Variants in CDH9 observed in about 807,000 individuals in gnomAD.
The protein encoded by CDH9 is cadherin 9.
In CDH9, 28 loss-of-function variants were observed where a neutral mutation model predicts 70.9. The observed-to-expected ratio is 0.40, with a 90% CI of 0.29 to 0.54. The LOEUF (loss-of-function observed/expected upper bound fraction) is 0.54. CDH9 is among the 20% of genes least tolerant of loss of function. The pLI is 0.59. For missense variants in CDH9, 874 were observed against 984.4 expected (o/e 0.89, Z 1.50); for synonymous variants, 409 against 343.1 (o/e 1.19, Z -2.12).
intron 2 of CDH9, among the ~76,000 whole-genome samples, chr5:26,937,449 T>C (rs1561201260): frequency 6.6e-6 from 1 of 152,114 alleles, no homozygotes; most frequent in Non-Finnish European, 1.5e-5. Context: ...GTTACTTTGG[T>C]GGACAGTTTG....
At chr5:27,031,909 A>T (rs1002149313) in intron 1 of CDH9, among the ~76,000 whole-genome samples, 1 of 151,882 alleles carries the variant, frequency 6.6e-6, no homozygotes, top group Non-Finnish European at 1.5e-5. Context: ...AAGAAATTTT[A>T]TCAGAACAAT....
chr5:26,928,509 G>T (rs1467316840), intron 2 of CDH9, among the ~76,000 whole-genome samples: 3 of 151,940 alleles, frequency 2.0e-5, no homozygotes, highest in African/African-American at 7.2e-5. Flanking sequence ...AATTTTTATG[G>T]ACTCACAGAA....
chr5:26,959,907 C>G (rs200606702), intron 2 of CDH9, among the ~76,000 whole-genome samples: 1 of 143,778 alleles, frequency 7.0e-6, no homozygotes, highest in East Asian at 2.1e-4. Flanking sequence ...TATAGGGTTT[C>G]TTTTGGGGTG....
At chr5:26,932,604 A>G (rs1218165906) in intron 2 of CDH9, among the ~76,000 whole-genome samples, 1 of 152,082 alleles carries the variant, frequency 6.6e-6, no homozygotes, top group African/African-American at 2.4e-5. Context: ...GATTAGAGTT[A>G]GCTTCGGAAT....
At chr5:27,014,698 G>A (rs1175744620) in intron 1 of CDH9, among the ~76,000 whole-genome samples, 1 of 151,716 alleles carries the variant, frequency 6.6e-6, no homozygotes, top group Non-Finnish European at 1.5e-5. Context: ...GAAACATTAA[G>A]AAATACATTT....
intron 1 of CDH9, among the ~76,000 whole-genome samples, chr5:27,001,906 T>C (rs1188416760): frequency 6.6e-6 from 1 of 151,090 alleles, no homozygotes; most frequent in African/African-American, 2.5e-5. Flanking sequence ...TGATGGAGGT[T>C]TTCTAAAGGG....
chr5:27,026,760 T>C (rs961879777), intron 1 of CDH9, among the ~76,000 whole-genome samples: 2 of 151,958 alleles, frequency 1.3e-5, no homozygotes, highest in African/African-American at 2.4e-5. Context: ...TAACTCCAGT[T>C]GACAATGCAT....
chr5:27,002,483 T>C (rs1056589102), intron 1 of CDH9, among the ~76,000 whole-genome samples: 5 of 152,218 alleles, frequency 3.3e-5, no homozygotes, highest in African/African-American at 1.2e-4. Context: ...ATGTTTATTG[T>C]GGCACTATTC....
chr5:27,024,636 T>TG (rs1319221576), intron 1 of CDH9, among the ~76,000 whole-genome samples: 9 of 152,144 alleles, frequency 5.9e-5, no homozygotes, highest in Non-Finnish European at 1.0e-4. Context: ...ATAAACTCTT[T>TG]GATACTTGCA....
chr5:26,914,704 T>G (rs1408393303), intron 3 of CDH9, among the ~76,000 whole-genome samples: 2 of 152,066 alleles, frequency 1.3e-5, no homozygotes, highest in Non-Finnish European at 2.9e-5. Flanking sequence ...TAAGTTTGTT[T>G]CTCCTTCTAT....
intron 1 of CDH9, among the ~76,000 whole-genome samples, chr5:27,025,908 C>T (rs529059665): frequency 1.4e-4 from 21 of 152,014 alleles, no homozygotes; most frequent in African/African-American, 5.1e-4. Flanking sequence ...TTGACAGAGA[C>T]ATATACTGAT....
intron 1 of CDH9, among the ~76,000 whole-genome samples, chr5:27,034,977 T>G (rs1259962835): frequency 1.3e-5 from 2 of 151,516 alleles, no homozygotes. Flanking sequence ...TTTTTTAGAT[T>G]ATTTATAACA....
chr5:27,022,496 T>A (rs951122181), intron 1 of CDH9, among the ~76,000 whole-genome samples: 1 of 152,086 alleles, frequency 6.6e-6, no homozygotes, highest in Non-Finnish European at 1.5e-5. Flanking sequence ...TAAACATATA[T>A]AACGAGTTCA....
intron 1 of CDH9, among the ~76,000 whole-genome samples, chr5:26,995,254 C>T (rs1446450629): frequency 6.6e-6 from 1 of 152,094 alleles, no homozygotes; most frequent in African/African-American, 2.4e-5. Context: ...CTTTGAGCCT[C>T]GGATCATGTA....
At chr5:26,924,970 G>T (rs954643545) in intron 2 of CDH9, among the ~76,000 whole-genome samples, 1 of 152,040 alleles carries the variant, frequency 6.6e-6, no homozygotes, top group Non-Finnish European at 1.5e-5. Flanking sequence ...ATGTGGGTTG[G>T]TGCCAAGTCT....
intron 11 of CDH9, among the ~76,000 whole-genome samples, chr5:26,882,064 G>C (rs1265619175): frequency 6.6e-6 from 1 of 151,926 alleles, no homozygotes; most frequent in Non-Finnish European, 1.5e-5. Flanking sequence ...CTCATATATA[G>C]ATACATATAT....
intron 2 of CDH9, among the ~76,000 whole-genome samples, chr5:26,981,157 C>T (rs909991275): frequency 2.6e-5 from 4 of 151,982 alleles, no homozygotes; most frequent in Admixed American, 6.6e-5. Flanking sequence ...TGAGAATTCT[C>T]CCTCCAGTAA....
chr5:26,982,699 T>TG (rs201831520), intron 2 of CDH9, among the ~76,000 whole-genome samples: 1 of 151,658 alleles, frequency 6.6e-6, no homozygotes, highest in Non-Finnish European at 1.5e-5. Flanking sequence ...TGTTTTTTTG[T>TG]TTTTTTTGAG....
intron 2 of CDH9, among the ~76,000 whole-genome samples, chr5:26,966,983 A>G (rs1323906150): frequency 6.6e-6 from 1 of 152,076 alleles, no homozygotes; most frequent in Non-Finnish European, 1.5e-5. Context: ...CCCAGGCTGG[A>G]GTGCAGTGGT....
Sources: allele counts gnomAD v4.1 joint callset (sites outside exome capture counted in the v4.1 genomes callset), GRCh38; gene constraint gnomAD v4.1.1; transcripts MANE v1.5; gene names NCBI Gene and HGNC (gene_info 2026-07-23, HGNC 2026-07-21).